LYRM4: variants seen among roughly 807,000 people sequenced by gnomAD.
The protein encoded by LYRM4 is LYR motif containing 4.
A neutral mutation model predicts 11.7 loss-of-function variants in LYRM4; 9 were observed. The ratio of observed to expected loss-of-function variants is 0.77; its 90% CI spans 0.46 to 1.34. The LOEUF (loss-of-function observed/expected upper bound fraction) is 1.34, where lower values mean the gene tolerates loss of function less well. Ranked by LOEUF, LYRM4 falls within the 40% of genes most tolerant of loss-of-function variation. LYRM4 has a pLI of 0.00. For missense variants in LYRM4, 133 were observed against 112.5 expected (o/e 1.18, Z -0.82); for synonymous variants, 42 against 40.4 (o/e 1.04, Z -0.15).
At chr6:5,133,914 A>G (rs1764070867) in intron 2 of LYRM4, among the ~76,000 whole-genome samples, 1 of 152,228 alleles carries the variant, frequency 6.6e-6, no homozygotes, top group Non-Finnish European at 1.5e-5. Context: ...AGGTTCATCC[A>G]GGTTGTAAAC....
Position 5,108,880 on chromosome 6 carries a change from G to GT in LYRM4, c.*542dup, listed in dbSNP as rs1762752743. The GT allele has an allele frequency of 1.0e-6, 1 of 988,944 alleles. No homozygotes were observed. The highest frequency in any genetic ancestry group is 5.8e-5 in the Admixed American group (1 of 17,096). 61.3% of individuals were successfully genotyped at this position (988,944 alleles called of 1,614,324 possible). On this transcript the variant is annotated 3_prime_UTR_variant, in exon 3 of 3. Transcript: ENST00000330636. ...TCAGGTATAAGTTGCAGGGTGCACC[G>GT]TGTATCCCCGTAGCCCTGCCCTACT...
intron 1 of LYRM4, among the ~76,000 whole-genome samples, chr6:5,221,819 T>C (rs1331526941): frequency 6.6e-6 from 1 of 152,226 alleles, no homozygotes; most frequent in Non-Finnish European, 1.5e-5. Context: ...TCCTAAATTC[T>C]TTCCTTTCCC....
At chr6:5,121,410 T>C (rs1472104040) in intron 2 of LYRM4, among the ~76,000 whole-genome samples, 1 of 152,110 alleles carries the variant, frequency 6.6e-6, no homozygotes, top group Non-Finnish European at 1.5e-5. Context: ...AAGACAGTTA[T>C]AAAACAGGAG....
In LYRM4 at chr6:5,118,970, T is replaced by C. The variant is rs1338988947; in HGVS notation, c.208-9479A>G. Reference sequence around the variant, plus strand: ...CCATTTTATGCAACAGAGGAGTGCCTGAAGGGATCATCCGAACTGGAATAC... The same window carrying C: ...CCATTTTATGCAACAGAGGAGTGCCCGAAGGGATCATCCGAACTGGAATAC... On this transcript the variant is annotated intron_variant, in intron 2 of 2. Coordinates refer to ENST00000330636, the MANE Select transcript of LYRM4 (RefSeq NM_020408.6). Among the ~76,000 whole-genome samples the C allele has an allele frequency of 3.9e-5, 6 of 152,324 alleles. No homozygotes were observed. In the East Asian group the frequency reaches 1.2e-3, roughly 29 times the overall value.
At chr6:5,054,790 G>A in the LYRM4 span, among the ~76,000 whole-genome samples, 1 of 152,130 alleles carries the variant, frequency 6.6e-6, no homozygotes, top group Non-Finnish European at 1.5e-5. Context: ...CAGACTCTTT[G>A]TAGCAATAAC....
At chr6:5,254,826 C>T (rs1443735320) in intron 1 of LYRM4, among the ~76,000 whole-genome samples, 4 of 152,222 alleles carry the variant, frequency 2.6e-5, no homozygotes, top group African/African-American at 9.7e-5. Flanking sequence ...TACCACTTTT[C>T]ACCTCTCGTG....
At chr6:5,166,311 T>G (rs1350803557) in intron 2 of LYRM4, among the ~76,000 whole-genome samples, 1 of 152,256 alleles carries the variant, frequency 6.6e-6, no homozygotes, top group African/African-American at 2.4e-5. Context: ...AGCACAGAAG[T>G]TACCTGACAT....
chr6:5,215,704 T>G (rs891764757), intron 2 of LYRM4, among the ~76,000 whole-genome samples: 1 of 152,144 alleles, frequency 6.6e-6, no homozygotes, highest in East Asian at 1.9e-4. Flanking sequence ...TCTAATTTAA[T>G]GTCAGCCAAG....
intron 2 of LYRM4, among the ~76,000 whole-genome samples, chr6:5,182,725 C>T (rs1430832599): frequency 3.3e-5 from 5 of 152,204 alleles, no homozygotes; most frequent in Admixed American, 2.0e-4. Flanking sequence ...TGTTTAGACA[C>T]ATCCTTTAAT....
chr6:5,187,078 A>G (rs1760447169), intron 2 of LYRM4: 9 of 955,072 alleles, frequency 9.4e-6, no homozygotes, highest in Non-Finnish European at 1.1e-5. Context: ...TCTAAGAAAC[A>G]ATAGAATGGT....
the LYRM4 span, chr6:5,033,418 C>G: frequency 6.6e-6 from 1 of 152,398 alleles, no homozygotes; most frequent in African/African-American, 2.4e-5. Context: ...GCCCTACACC[C>G]CAGCATGTGC....
the LYRM4 span, chr6:5,088,605 A>T: frequency 6.6e-6 from 1 of 152,168 alleles, no homozygotes. Flanking sequence ...AGTGTAAAAT[A>T]TTTACTATCT....
chr6:5,049,300 C>G, the LYRM4 span, among the ~76,000 whole-genome samples: 2 of 152,176 alleles, frequency 1.3e-5, no homozygotes, highest in Non-Finnish European at 2.9e-5. Context: ...CGGATGGGCT[C>G]TCCATTGGAC....
At chr6:5,189,956 T>C (rs998829834) in intron 2 of LYRM4, among the ~76,000 whole-genome samples, 1 of 152,206 alleles carries the variant, frequency 6.6e-6, no homozygotes, top group Non-Finnish European at 1.5e-5. Context: ...ATTTAATAGA[T>C]AGAACAAAAA....
chr6:5,141,939 A>G (rs892038784), intron 2 of LYRM4, among the ~76,000 whole-genome samples: 5 of 152,160 alleles, frequency 3.3e-5, no homozygotes, highest in African/African-American at 9.7e-5. Context: ...GAGCTGACCC[A>G]CAAACGCACC....
At chr6:5,069,370 T>TAA in the LYRM4 span, among the ~76,000 whole-genome samples, 3 of 148,874 alleles carry the variant, frequency 2.0e-5, no homozygotes, top group Non-Finnish European at 3.0e-5. Flanking sequence ...CATGTTAACA[T>TAA]AAAAAAAAAA....
chr6:5,098,535 T>C, the LYRM4 span, among the ~76,000 whole-genome samples: 32 of 152,238 alleles, frequency 2.1e-4, no homozygotes, highest in Middle Eastern at 3.4e-3. Flanking sequence ...AACCCCATGA[T>C]CCGAAATTCC....
chr6:5,186,829 CA>C, intron 2 of LYRM4: 2 of 561,830 alleles, frequency 3.6e-6, no homozygotes, highest in South Asian at 1.7e-5. Flanking sequence ...ACTAAGAATA[CA>C]AAAATTAGCC....
At position 5,205,179 on chromosome 6, in the gene LYRM4, T is replaced by A. The variant is rs933195302; in HGVS notation, c.207+11439A>T. Reference sequence around the variant, plus strand: ...ATCATGCTATTAAGCAAAGTCACAATAAAGTGTGTTGTTGGTCCAGAGAAC... The same window carrying A: ...ATCATGCTATTAAGCAAAGTCACAAAAAAGTGTGTTGTTGGTCCAGAGAAC... On this transcript the variant is annotated intron_variant, in intron 2 of 2. Coordinates refer to ENST00000330636, the MANE Select transcript of LYRM4 (RefSeq NM_020408.6). Among the ~76,000 whole-genome samples, 6 of 150,420 alleles carry A rather than the reference T, an allele frequency of 4.0e-5. No homozygotes were observed. The South Asian group carries it at 6.8e-4, about 17-fold the overall frequency.
Sources: gnomAD v4.1 joint callset for allele counts (sites outside exome capture counted in the v4.1 genomes callset) on GRCh38, gnomAD v4.1.1 for gene constraint, MANE v1.5 for transcripts, NCBI Gene and HGNC (gene_info 2026-07-23, HGNC 2026-07-21) for gene names.